Variants in SLC4A10 observed in about 807,000 individuals in gnomAD.
SLC4A10 encodes solute carrier family 4 member 10.
SLC4A10 carries 42 observed loss-of-function variants against 137.7 expected under a neutral mutation model. The ratio of observed to expected loss-of-function variants is 0.30; its 90% CI spans 0.24 to 0.39. The LOEUF (loss-of-function observed/expected upper bound fraction) is 0.39, where lower values mean the gene tolerates loss of function less well. SLC4A10 is among the 10% of genes least tolerant of loss of function. The pLI is 1.00. For synonymous variants in SLC4A10, 474 were observed against 464.1 expected (o/e 1.02, Z -0.27); for missense variants, 925 against 1,355.0 (o/e 0.68, Z 4.98).
intron 2 of SLC4A10, among the ~76,000 whole-genome samples, chr2:161,789,735 G>C (rs1162846228): frequency 6.6e-6 from 1 of 152,082 alleles, no homozygotes; most frequent in African/African-American, 2.4e-5. Flanking sequence ...TTCTACTTCT[G>C]GAAATCAATG....
At chr2:161,974,412 T>C in intron 24 of SLC4A10, 96 bp downstream of exon 24, 2 of 976,046 alleles carry the variant, frequency 2.0e-6, no homozygotes, top group Non-Finnish European at 2.8e-6. Context: ...CAGAGAGGTT[T>C]CTTGAAATTG....
At chr2:161,872,162 A>G (rs1158020733) in intron 6 of SLC4A10, 131 bp from the exon 7 acceptor site, 1 of 513,350 alleles carries the variant, frequency 1.9e-6, no homozygotes, top group Admixed American at 3.2e-5. Flanking sequence ...ATTTATATTG[A>G]CCCTTCATTC....
intron 1 of SLC4A10, among the ~76,000 whole-genome samples, chr2:161,761,655 A>T (rs1015725864): frequency 6.6e-6 from 1 of 152,106 alleles, no homozygotes; most frequent in African/African-American, 2.4e-5. Flanking sequence ...AACTTCTCAG[A>T]TACCTTTTAT....
At chr2:161,821,107 T>C (rs1223583774) in intron 3 of SLC4A10, among the ~76,000 whole-genome samples, 2 of 152,228 alleles carry the variant, frequency 1.3e-5, no homozygotes, top group Admixed American at 1.3e-4. Context: ...ACCAAAGTCA[T>C]ATTTTTAATG....
intron 1 of SLC4A10, among the ~76,000 whole-genome samples, chr2:161,655,179 A>T (rs1352685603): frequency 6.6e-6 from 1 of 151,914 alleles, no homozygotes; most frequent in Admixed American, 6.6e-5. Flanking sequence ...TAGATAGCTA[A>T]TTGTTAGTAT....
intron 15 of SLC4A10, among the ~76,000 whole-genome samples, chr2:161,926,127 G>C (rs1689031024): frequency 6.6e-6 from 1 of 151,960 alleles, no homozygotes; most frequent in Admixed American, 6.6e-5. Flanking sequence ...CTGTCTCGTT[G>C]ATCTGTCTAA....
chr2:161,817,243 T>G (rs938334170), intron 3 of SLC4A10, among the ~76,000 whole-genome samples: 2 of 152,232 alleles, frequency 1.3e-5, no homozygotes, highest in African/African-American at 4.8e-5. Flanking sequence ...ATGATGAGCA[T>G]TTTTTCATGT....
At chr2:161,796,989 T>C (rs2054841478) in intron 2 of SLC4A10, among the ~76,000 whole-genome samples, 1 of 152,148 alleles carries the variant, frequency 6.6e-6, no homozygotes, top group African/African-American at 2.4e-5. Context: ...GAATTTATAA[T>C]TTAATTAAGA....
chr2:161,664,256 C>G (rs949004331), intron 1 of SLC4A10, among the ~76,000 whole-genome samples: 4 of 151,778 alleles, frequency 2.6e-5, no homozygotes, highest in Admixed American at 2.6e-4. Context: ...AAGCAACAAA[C>G]AAAATAGTTG....
intron 15 of SLC4A10, among the ~76,000 whole-genome samples, chr2:161,922,931 C>G (rs1322072016): frequency 6.6e-6 from 1 of 152,120 alleles, no homozygotes; most frequent in Non-Finnish European, 1.5e-5. Flanking sequence ...AATCACAAAC[C>G]ATAACTGTTT....
At chr2:161,970,375 A>G (rs1165088276) in intron 23 of SLC4A10, among the ~76,000 whole-genome samples, 1 of 152,216 alleles carries the variant, frequency 6.6e-6, no homozygotes, top group Non-Finnish European at 1.5e-5. Flanking sequence ...TTATAAAAAT[A>G]ACACTTATGG....
chr2:161,934,663 CTG>C (rs754116969), intron 15 of SLC4A10, among the ~76,000 whole-genome samples: 10 of 152,024 alleles, frequency 6.6e-5, no homozygotes, highest in Non-Finnish European at 1.2e-4. Context: ...GGTAGTATCT[CTG>C]TGGTTTTAAT....
chr2:161,889,536 TC>T (rs1366980614), intron 10 of SLC4A10, among the ~76,000 whole-genome samples: 1 of 152,198 alleles, frequency 6.6e-6, no homozygotes, highest in Non-Finnish European at 1.5e-5. Context: ...CAGGAATTTA[TC>T]CATTTCTTCT....
chr2:161,710,786 T>C (rs2044201426), intron 1 of SLC4A10: 1 of 449,234 alleles, frequency 2.2e-6, no homozygotes, highest in African/African-American at 2.0e-5. Context: ...GAGTAATTCT[T>C]CAATTCAGTA....
chr2:161,652,009 G>C (rs1196223022), intron 1 of SLC4A10, among the ~76,000 whole-genome samples: 1 of 152,182 alleles, frequency 6.6e-6, no homozygotes, highest in East Asian at 1.9e-4. Context: ...CTTATCACTT[G>C]GTGATGTTAA....
intron 9 of SLC4A10, among the ~76,000 whole-genome samples, 160 bp from the exon 10 acceptor site, chr2:161,882,197 G>A (rs1212618313): frequency 1.3e-5 from 2 of 151,010 alleles, no homozygotes; most frequent in African/African-American, 4.9e-5. Context: ...GGTCAATCAT[G>A]GTAAAATTTT....
intron 1 of SLC4A10, among the ~76,000 whole-genome samples, chr2:161,711,465 G>T (rs1046392276): frequency 2.0e-5 from 3 of 151,792 alleles, no homozygotes; most frequent in South Asian, 2.1e-4. Context: ...TGAGAAAGCG[G>T]ATCAGGACCA....
In SLC4A10 at chr2:161,640,593, TTTCCTTCCTTCC is replaced by T. The variant is rs1245696506; in HGVS notation, c.48+16083_48+16094del. 2.2e-3 allele frequency among the ~76,000 whole-genome samples: 267 copies of T among 119,318 alleles called. 2 individuals carry two copies. The highest frequency in any genetic ancestry group is 6.6e-3 in the African/African-American group (203 of 30,820). 78.3% of individuals were successfully genotyped at this position (119,318 alleles called of 152,430 possible). On this transcript the variant is annotated intron_variant, in intron 1 of 26. Coordinates refer to ENST00000446997, the MANE Select transcript of SLC4A10 (RefSeq NM_001178015.2). ...CTCTATGAAGTAAGCTTTCTCTTTC[TTTCCTTCCTTCC>T]TTCCTTCCTTCCTTCCTTCCTTCCT... is the stretch of plus-strand genomic sequence containing the variant.
At chr2:161,933,186 TCTTTC>T (rs779580047) in intron 15 of SLC4A10, among the ~76,000 whole-genome samples, 1,755 of 29,182 alleles carry the variant, frequency 0.06, 58 homozygotes, top group East Asian at 0.1. Flanking sequence ...TTCCTTCTTT[TCTTTC>T]TTTCTTTCTT....
Sources: gnomAD v4.1 joint callset for allele counts (sites outside exome capture counted in the v4.1 genomes callset) on GRCh38, gnomAD v4.1.1 for gene constraint, MANE v1.5 for transcripts, NCBI Gene and HGNC (gene_info 2026-07-23, HGNC 2026-07-21) for gene names.